Variants in ZKSCAN1 observed in about 807,000 individuals in gnomAD.
ZKSCAN1 encodes zinc finger with KRAB and SCAN domains 1.
ZKSCAN1 carries 14 observed loss-of-function variants against 51.6 expected under a neutral mutation model. The observed-to-expected ratio is 0.27, with a 90% CI of 0.18 to 0.42. The LOEUF is 0.42. Among genes scored for constraint, ZKSCAN1 ranks in the 10% least tolerant of loss-of-function variants. ZKSCAN1 has a pLI of 1.00. For missense variants in ZKSCAN1, 531 were observed against 710.0 expected, an observed-to-expected ratio of 0.75 and a Z score of 2.86; for synonymous variants, 263 against 261.5, an observed-to-expected ratio of 1.01 and a Z score of -0.06.
chr7:100,019,787 C>T (rs1161915800), intron 1 of ZKSCAN1, among the ~76,000 whole-genome samples: 3 of 152,014 alleles, frequency 2.0e-5, no homozygotes, highest in Admixed American at 6.6e-5. Context: ...CTGCAGCCTC[C>T]GCCTCCCAGG....
At position 100,036,118 on chromosome 7, in the gene ZKSCAN1, AGCTAAAACT is replaced by A; in HGVS notation, c.*1924_*1932del. 1.0e-6 allele frequency: 1 copy of A among 985,424 alleles called. No individual in the cohort carries two copies. Among genetic ancestry groups the A allele is most frequent in the Non-Finnish European group, 1.2e-6 (1 of 829,934 alleles). 61.0% of individuals were successfully genotyped at this position (985,424 alleles called of 1,614,324 possible). On this transcript the variant is annotated 3_prime_UTR_variant, in exon 6 of 6. Coordinates refer to ENST00000324306, the MANE Select transcript of ZKSCAN1 (RefSeq NM_003439.4). ...TTTTATATGGAACCAACGAAGTGGG[AGCTAAAACT>A]GCACAGTGGTCATTCTTTGGCCTCT...
chr7:100,028,371 G>T (rs1362381668), intron 3 of ZKSCAN1, among the ~76,000 whole-genome samples: 1 of 151,958 alleles, frequency 6.6e-6, no homozygotes, highest in Non-Finnish European at 1.5e-5. Context: ...AAAAGTACTT[G>T]GGTACAGTGG....
Position 100,034,820 on chromosome 7 carries a change from C to T in ZKSCAN1, c.*623C>T, listed in dbSNP as rs1330005347. 6.5e-6 allele frequency: 1 copy of T among 153,778 alleles called. No individual in the cohort carries two copies. Among genetic ancestry groups the T allele is most frequent in the Non-Finnish European group, 1.4e-5 (1 of 69,082 alleles). The allele number at this position is 153,778 out of a possible 1,614,324, so 9.5% of individuals were successfully genotyped here. On this transcript the variant is annotated 3_prime_UTR_variant, in exon 6 of 6. Coordinates refer to ENST00000324306, the MANE Select transcript of ZKSCAN1 (RefSeq NM_003439.4). ...CGAAAGAGAGGGTATGTGCACCAGT[C>T]TACAGTTCCAAAGGACTGCAACAAA...
Position 100,038,462 on chromosome 7 carries a change from A to G in ZKSCAN1, c.*4265A>G. 2 of 985,462 alleles carry G rather than the reference A, an allele frequency of 2.0e-6. No homozygotes were observed. The highest frequency in any genetic ancestry group is 2.4e-6 in the Non-Finnish European group (2 of 829,942). 61.0% of individuals were successfully genotyped at this position (985,462 alleles called of 1,614,324 possible). A position where few individuals can be genotyped will look rare whatever the true frequency, so the allele number is the denominator to read the frequency against. ...CAGGCTAATGGGGCACTGAAATGGA[A>G]CAACTCCTTTAAACGTGCAGCCTTT... is the stretch of plus-strand genomic sequence containing the variant. On this transcript the variant is annotated 3_prime_UTR_variant, in exon 6 of 6. Transcript: ENST00000324306.
At position 100,037,265 on chromosome 7, in the gene ZKSCAN1, A is replaced by G. The variant is rs1791405647; in HGVS notation, c.*3068A>G. 1 of 985,318 alleles carries G rather than the reference A, an allele frequency of 1.0e-6. No homozygotes were observed. Among genetic ancestry groups the G allele is most frequent in the Admixed American group, 6.2e-5 (1 of 16,254 alleles). 61.0% of individuals were successfully genotyped at this position (985,318 alleles called of 1,614,324 possible). ...ATTAGCATGCTAGTTGTCCTAATGG[A>G]AATTTTTGAAGAGTTTTTCAATATA... On this transcript the variant is annotated 3_prime_UTR_variant, in exon 6 of 6. Transcript: ENST00000324306.
rs1464177283 is a variant in ZKSCAN1, at chr7:100,038,715, G to A, written c.*4518G>A. 1 of 985,336 alleles carries A rather than the reference G, an allele frequency of 1.0e-6. No homozygotes were observed. Among genetic ancestry groups the A allele is most frequent in the African/African-American group, 1.7e-5 (1 of 57,216 alleles). 61.0% of individuals were successfully genotyped at this position (985,336 alleles called of 1,614,324 possible). A position where few individuals can be genotyped will look rare whatever the true frequency, so the allele number is the denominator to read the frequency against. On this transcript the variant is annotated 3_prime_UTR_variant, in exon 6 of 6. Transcript: ENST00000324306. Reference sequence around the variant, plus strand: ...TTATGCTTAGAAAATTGAGGATAAGGCTGGGCACAGTGGCTCAGGCCTGTA... The same window carrying A: ...TTATGCTTAGAAAATTGAGGATAAGACTGGGCACAGTGGCTCAGGCCTGTA...
downstream of ZKSCAN1, chr7:100,045,039 G>T: frequency 1.1e-6 from 1 of 926,558 alleles, no homozygotes; most frequent in African/African-American, 1.8e-5. Context: ...AGGTGCCAGA[G>T]ACAACACTAA....
chr7:100,024,238 C>T lies in ZKSCAN1; in HGVS notation c.511C>T (p.Leu171Phe). 6.2e-7 allele frequency: 1 copy of T among 1,614,086 alleles called. No individual in the cohort carries two copies. Among genetic ancestry groups the T allele is most frequent in the East Asian group, 2.2e-5 (1 of 44,880 alleles). The change falls in exon 3 of 6, where the codon CTT becomes TTT. Residue 171 changes from leucine (L) to phenylalanine (F), a missense_variant. Coordinates refer to ENST00000324306, the MANE Select transcript of ZKSCAN1 (RefSeq NM_003439.4). ...DPVQESSSFDLHHEATQSHFK... is the reference protein window; with the variant it reads ...DPVQESSSFDFHHEATQSHFK... ...AGTTCAGGAGTCCTCGAGCTTTGAC[C>T]TTCATCACGAGGCCACCCAGTCCCA...
At chr7:100,020,779 T>C (rs968158936) in intron 1 of ZKSCAN1, among the ~76,000 whole-genome samples, 4 of 152,208 alleles carry the variant, frequency 2.6e-5, no homozygotes, top group Non-Finnish European at 5.9e-5. Context: ...AAAACTCGGT[T>C]TAACCCATCA....
chr7:100,038,399 T>C lies in ZKSCAN1; in HGVS notation c.*4202T>C, dbSNP rs1350666275. On this transcript the variant is annotated 3_prime_UTR_variant, in exon 6 of 6. Transcript: ENST00000324306. ...AGGGAAAAGCTTCATAGTTTGGTGC[T>C]TATCACATCAAGAGATTGGTAAATT... is the stretch of plus-strand genomic sequence containing the variant. 4 of 985,314 alleles carry C rather than the reference T, an allele frequency of 4.1e-6. No individual in the cohort carries two copies. The highest frequency in any genetic ancestry group is 4.8e-6 in the Non-Finnish European group (4 of 829,934). 61.0% of individuals were successfully genotyped at this position (985,314 alleles called of 1,614,324 possible).
intron 1 of ZKSCAN1, among the ~76,000 whole-genome samples, chr7:100,018,912 A>G (rs1003160006): frequency 1.3e-5 from 2 of 152,054 alleles, no homozygotes; most frequent in Non-Finnish European, 1.5e-5. Flanking sequence ...GTCTGTGTCT[A>G]TTTCCCCCTG....
intron 4 of ZKSCAN1, 65 bp downstream of exon 4, chr7:100,030,017 A>C (rs1791039542): frequency 3.8e-6 from 6 of 1,572,112 alleles, no homozygotes; most frequent in Non-Finnish European, 5.2e-6. Context: ...AGCTCTCTTC[A>C]TTATCTCCAC....
rs1016483768 is a variant in ZKSCAN1 at position 100,034,338 on chromosome 7, C to G, written c.*141C>G. On this transcript the variant is annotated 3_prime_UTR_variant, in exon 6 of 6. Coordinates refer to ENST00000324306, the MANE Select transcript of ZKSCAN1 (RefSeq NM_003439.4). ...CACTTAAGGATCCTTCTAGTCACAT[C>G]AGCAGTGTTCTGCCTTTATGTAGTA... 20 of 1,436,832 alleles carry G rather than the reference C, an allele frequency of 1.4e-5. No homozygotes were observed. The African/African-American group carries it at 2.6e-4, about 18-fold the overall frequency. 89.0% of individuals were successfully genotyped at this position (1,436,832 alleles called of 1,614,324 possible).
At position 100,038,130 on chromosome 7, in the gene ZKSCAN1, C is replaced by T; in HGVS notation, c.*3933C>T. ...AAATAGCAAAATGTGCAACTTCTTACAAAAATTGTTAACGTTAGGTACTTC... is the reference window on the plus strand; with the variant it reads ...AAATAGCAAAATGTGCAACTTCTTATAAAAATTGTTAACGTTAGGTACTTC... On this transcript the variant is annotated 3_prime_UTR_variant, in exon 6 of 6. Transcript: ENST00000324306. 5 of 985,324 alleles carry T rather than the reference C, an allele frequency of 5.1e-6. No individual in the cohort carries two copies. The highest frequency in any genetic ancestry group is 6.0e-6 in the Non-Finnish European group (5 of 829,906). 61.0% of individuals were successfully genotyped at this position (985,324 alleles called of 1,614,324 possible).
chr7:100,027,078 C>T (rs1311609529), intron 3 of ZKSCAN1, among the ~76,000 whole-genome samples: 1 of 152,160 alleles, frequency 6.6e-6, no homozygotes, highest in South Asian at 2.1e-4. Context: ...GGGCAAATCA[C>T]TTGAGGTCAG....
rs889997036 is a variant in ZKSCAN1 at position 100,029,943 on chromosome 7, G to T, written c.663G>T (p.Ala221=). ...CGATGGCATCTGCACTATTCACAGC[G>T]GATTCCCAGGTGAGCTGTGGCCCCT... is the stretch of plus-strand genomic sequence containing the variant. ...DQAMASALFT[A]DSQAMVKIED... The change falls in exon 4 of 6, where the codon GCG becomes GCT. Residue 221 remains alanine (A), a synonymous_variant. Coordinates refer to ENST00000324306, the MANE Select transcript of ZKSCAN1 (RefSeq NM_003439.4). 1.2e-6 allele frequency: 2 copies of T among 1,614,112 alleles called. No individual in the cohort carries two copies. The highest frequency in any genetic ancestry group is 1.1e-5 in the South Asian group (1 of 91,078).
At chr7:100,022,638 C>G (rs1349940142) in intron 1 of ZKSCAN1, among the ~76,000 whole-genome samples, 1 of 152,168 alleles carries the variant, frequency 6.6e-6, no homozygotes, top group East Asian at 1.9e-4. Flanking sequence ...AAGTAGGTCC[C>G]AGGGCTTCAA....
chr7:100,044,737 A>T, downstream of ZKSCAN1: 1 of 945,662 alleles, frequency 1.1e-6, no homozygotes, highest in Non-Finnish European at 1.3e-6. Context: ...CATGAAGTTT[A>T]ACTCCACCAT....
intron 1 of ZKSCAN1, among the ~76,000 whole-genome samples, chr7:100,019,532 A>G (rs1205961629): frequency 6.6e-6 from 1 of 151,822 alleles, no homozygotes; most frequent in East Asian, 2.0e-4. Context: ...TGTCACGTTC[A>G]TAGGCCTTCA....
Sources: allele counts gnomAD v4.1 joint callset (sites outside exome capture counted in the v4.1 genomes callset), GRCh38; gene constraint gnomAD v4.1.1; transcripts MANE v1.5; gene names NCBI Gene and HGNC (gene_info 2026-07-23, HGNC 2026-07-21).